CUEDC1: variants seen among roughly 807,000 people sequenced by gnomAD.
CUEDC1 encodes CUE domain containing 1.
A neutral mutation model predicts 43.7 loss-of-function variants in CUEDC1; 30 were observed. The ratio of observed to expected loss-of-function variants is 0.69; its 90% CI spans 0.51 to 0.93. CUEDC1 has a LOEUF of 0.93. Among genes scored for constraint, CUEDC1 ranks in the 40% least tolerant of loss-of-function variants. CUEDC1 has a pLI of 0.00. For missense variants in CUEDC1, 486 were observed against 549.0 expected (o/e 0.89, Z 1.15); for synonymous variants, 223 against 223.6 (o/e 1.00, Z 0.02).
At chr17:57,886,434 C>T (rs965967562) in intron 1 of CUEDC1, among the ~76,000 whole-genome samples, 2 of 152,232 alleles carry the variant, frequency 1.3e-5, no homozygotes, top group African/African-American at 2.4e-5. Flanking sequence ...AGAGCTCCAT[C>T]GAACCCCGGG....
intron 1 of CUEDC1, among the ~76,000 whole-genome samples, chr17:57,949,097 C>A (rs1038233176): frequency 2.6e-4 from 40 of 152,198 alleles, no homozygotes; most frequent in African/African-American, 9.2e-4. Flanking sequence ...AGGGGGAGAA[C>A]AATGTGCTCC....
chr17:57,931,830 G>A (rs920512763), intron 1 of CUEDC1, among the ~76,000 whole-genome samples: 9 of 152,128 alleles, frequency 5.9e-5, no homozygotes, highest in Admixed American at 1.3e-4. Context: ...GAGGACTCCC[G>A]TGAAACCACG....
At chr17:57,899,708 G>A (rs1228848276) in intron 1 of CUEDC1, among the ~76,000 whole-genome samples, 2 of 152,192 alleles carry the variant, frequency 1.3e-5, no homozygotes, top group Non-Finnish European at 2.9e-5. Context: ...CGCAGCCATA[G>A]GACACAGACA....
chr17:57,869,953 T>C (rs1287190277), intron 6 of CUEDC1: 1 of 152,282 alleles, frequency 6.6e-6, no homozygotes, highest in Non-Finnish European at 1.5e-5. Flanking sequence ...GTATCTCTAG[T>C]TAATTCAGGA....
intron 2 of CUEDC1, among the ~76,000 whole-genome samples, chr17:57,883,031 G>GACAC (rs2074236390): frequency 6.6e-6 from 1 of 152,066 alleles, no homozygotes; most frequent in Non-Finnish European, 1.5e-5. Context: ...TGTATCTGCA[G>GACAC]ACACACACAT....
intron 1 of CUEDC1, among the ~76,000 whole-genome samples, chr17:57,950,442 C>T (rs534080513): frequency 9.9e-5 from 15 of 151,500 alleles, no homozygotes; most frequent in African/African-American, 3.4e-4. Flanking sequence ...TATGAGCCAC[C>T]GTGTCCAGCC....
intron 4 of CUEDC1, 22 bp from the exon 5 acceptor site, chr17:57,872,877 T>C (rs2074055914): frequency 6.2e-7 from 1 of 1,604,710 alleles, no homozygotes; most frequent in African/African-American, 1.3e-5. Flanking sequence ...AGCGAGCATG[T>C]TGAATGTGTA....
In CUEDC1 at chr17:57,862,855, G is replaced by C. The variant is rs999772962; in HGVS notation, c.*434C>G. On this transcript the variant is annotated 3_prime_UTR_variant, in exon 11 of 11. Transcript: ENST00000577830. ...GGGGGTCAGGCAGAGTCTGTGACAG[G>C]AGAGATAGAGAACGGACGGAGGCAG... The C allele has an allele frequency of 6.6e-6, 1 of 152,454 alleles. No individual in the cohort carries two copies. Among genetic ancestry groups the C allele is most frequent in the Non-Finnish European group, 1.5e-5 (1 of 68,168 alleles). 9.4% of individuals were successfully genotyped at this position (152,454 alleles called of 1,614,324 possible).
At position 57,861,977 on chromosome 17, in the gene CUEDC1, C is replaced by G. The variant is rs1233400963; in HGVS notation, c.*1312G>C. ...CCTCCCCAAGCTCGGCGTTGCGAGT[C>G]CGGGCAGGGTGGGCGGGACGAGGTG... On this transcript the variant is annotated 3_prime_UTR_variant, in exon 11 of 11. Transcript: ENST00000577830. 1 of 152,226 alleles carries G rather than the reference C, an allele frequency of 6.6e-6. No individual in the cohort carries two copies. The highest frequency in any genetic ancestry group is 1.9e-4 in the East Asian group (1 of 5,178). The allele number at this position is 152,226 out of a possible 1,614,324, so 9.4% of individuals were successfully genotyped here.
At chr17:57,926,645 T>TA (rs1226976209) in intron 1 of CUEDC1, among the ~76,000 whole-genome samples, 1 of 152,082 alleles carries the variant, frequency 6.6e-6, no homozygotes, top group Non-Finnish European at 1.5e-5. Flanking sequence ...AATTTTAAAA[T>TA]AAAAAATAAA....
chr17:57,866,169 T>C (rs941216005), intron 10 of CUEDC1, among the ~76,000 whole-genome samples: 8 of 152,234 alleles, frequency 5.3e-5, no homozygotes, highest in Non-Finnish European at 7.3e-5. Context: ...TGTCCTGGAC[T>C]GTCTTCTCAA....
At chr17:57,882,227 G>T (rs1274643686) in intron 2 of CUEDC1, among the ~76,000 whole-genome samples, 2 of 151,920 alleles carry the variant, frequency 1.3e-5, no homozygotes, top group South Asian at 2.1e-4. Context: ...TCCAGCTGTG[G>T]CTCATAAATT....
intron 10 of CUEDC1, among the ~76,000 whole-genome samples, chr17:57,863,696 T>C (rs149468156): frequency 1.3e-5 from 2 of 151,184 alleles, no homozygotes; most frequent in East Asian, 3.9e-4. Context: ...GGCTGAAGAG[T>C]TCCTAAGACT....
At chr17:57,899,594 G>A (rs1167493831) in intron 1 of CUEDC1, among the ~76,000 whole-genome samples, 1 of 152,072 alleles carries the variant, frequency 6.6e-6, no homozygotes, top group Admixed American at 6.5e-5. Context: ...CCAGCACACA[G>A]CTCACATGCC....
intron 3 of CUEDC1, among the ~76,000 whole-genome samples, chr17:57,877,578 T>TAAA (rs560214172): frequency 2.4e-5 from 3 of 127,310 alleles, no homozygotes; most frequent in Admixed American, 1.7e-4. Context: ...ATTGGAATAT[T>TAAA]AAAAAAAAAA....
At chr17:57,871,787 G>C (rs577909810) in intron 5 of CUEDC1, among the ~76,000 whole-genome samples, 18 of 152,336 alleles carry the variant, frequency 1.2e-4, no homozygotes, top group Admixed American at 9.8e-4. Context: ...AGCCAGGTGC[G>C]GTGGCGTGCG....
chr17:57,872,450 C>T (rs149371212), intron 5 of CUEDC1, among the ~76,000 whole-genome samples: 223 of 152,140 alleles, frequency 1.5e-3, no homozygotes, highest in Non-Finnish European at 2.6e-3. Flanking sequence ...TCCTCTGAGT[C>T]CCGAGGGAGA....
At chr17:57,889,308 G>C (rs1469264447) in intron 1 of CUEDC1, among the ~76,000 whole-genome samples, 2 of 152,306 alleles carry the variant, frequency 1.3e-5, no homozygotes. Flanking sequence ...TGCCCTCACA[G>C]GGGGGATGGG....
chr17:57,932,281 CAAAA>C (rs56137797), intron 1 of CUEDC1, among the ~76,000 whole-genome samples: 6 of 121,946 alleles, frequency 4.9e-5, no homozygotes, highest in Admixed American at 7.7e-5. Context: ...CACTGTGTCT[CAAAA>C]AAAAAAAAAA....
Sources: gnomAD v4.1 joint callset for allele counts (sites outside exome capture counted in the v4.1 genomes callset) on GRCh38, gnomAD v4.1.1 for gene constraint, MANE v1.5 for transcripts, NCBI Gene and HGNC (gene_info 2026-07-23, HGNC 2026-07-21) for gene names.